DNAH11: variants seen among roughly 807,000 people sequenced by gnomAD.
The protein encoded by DNAH11 is dynein axonemal heavy chain 11, also known as axonemal beta dynein heavy chain 11.
Under a neutral mutation model 526.0 loss-of-function variants are expected in DNAH11, and 442 were observed. That is an observed-to-expected ratio of 0.84 (90% CI 0.78 to 0.91). The LOEUF is 0.91. DNAH11 is among the 40% of genes least tolerant of loss of function. The pLI is 0.00. For synonymous variants in DNAH11, 2,461 were observed against 1,935.9 expected (o/e 1.27, Z -7.12); for missense variants, 6,989 against 5,448.7 (o/e 1.28, Z -8.90).
intron 65 of DNAH11, among the ~76,000 whole-genome samples, chr7:21,824,327 T>A (rs896512142): frequency 5.3e-5 from 8 of 152,220 alleles, no homozygotes; most frequent in African/African-American, 1.9e-4. Flanking sequence ...TTGACAATTC[T>A]GCCTCCACTT....
chr7:21,685,020 T>A (rs1033393409), intron 32 of DNAH11, among the ~76,000 whole-genome samples: 2 of 152,212 alleles, frequency 1.3e-5, no homozygotes, highest in Non-Finnish European at 2.9e-5. Flanking sequence ...GAGAGGCTGG[T>A]AGGATTCTCC....
intron 28 of DNAH11, 84 bp from the exon 29 acceptor site, chr7:21,655,748 G>T (rs1781986517): frequency 2.2e-6 from 3 of 1,357,488 alleles, no homozygotes; most frequent in African/African-American, 1.4e-5. Context: ...AACGTTTCAT[G>T]ACTTCATATG....
intron 65 of DNAH11, among the ~76,000 whole-genome samples, chr7:21,842,150 T>A (rs1782226126): frequency 6.6e-6 from 1 of 152,222 alleles, no homozygotes; most frequent in African/African-American, 2.4e-5. Flanking sequence ...TATCAATTAG[T>A]CAGTGGTAAA....
chr7:21,570,150 A>G lies in DNAH11; in HGVS notation c.1276A>G (p.Ile426Val). The change falls in exon 7 of 82, where the codon ATC becomes GTC. Residue 426 changes from isoleucine (I) to valine (V), a missense_variant. Physicochemically the swap from Ile to Val is conservative, Grantham distance 29. Coordinates refer to ENST00000409508, the MANE Select transcript of DNAH11 (RefSeq NM_001277115.2). ...SLEKVQVAVN[I>V]LKTFKNSFFN... ...GGAAAAGGTGCAGGTGGCTGTTAAC[A>G]TCTTAAAGACTTTCAAAAACTCCTT... 1.9e-6 allele frequency: 3 copies of G among 1,613,480 alleles called. No individual in the cohort carries two copies. The highest frequency in any genetic ancestry group is 2.5e-6 in the Non-Finnish European group (3 of 1,179,724).
intron 55 of DNAH11, among the ~76,000 whole-genome samples, chr7:21,771,492 G>A (rs1001264532): frequency 2.6e-5 from 4 of 152,200 alleles, no homozygotes; most frequent in Admixed American, 2.0e-4. Context: ...TGTGTTGACA[G>A]TGAGCCAACT....
At chr7:21,559,828 A>T (rs1415992175) in intron 4 of DNAH11, 36 bp downstream of exon 4, 1 of 1,524,454 alleles carries the variant, frequency 6.6e-7, no homozygotes, top group East Asian at 2.4e-5. Context: ...AAATTAAATT[A>T]GCAAAGTGTC....
Position 21,901,331 on chromosome 7 carries a change from C to CTG in DNAH11, c.*77_*78insTG. 1 of 1,423,256 alleles carries CTG rather than the reference C, an allele frequency of 7.0e-7. No homozygotes were observed. The highest frequency in any genetic ancestry group is 9.3e-7 in the Non-Finnish European group (1 of 1,079,122). The allele number at this position is 1,423,256 out of a possible 1,614,324, so 88.2% of individuals were successfully genotyped here. ...AGCATGTTGCTGCACTGTTCCCATG[C>CTG]ACATTATTCTAACTTTTTAGTAACT... is the stretch of plus-strand genomic sequence containing the variant. On this transcript the variant is annotated 3_prime_UTR_variant, in exon 82 of 82. Transcript: ENST00000409508.
intron 65 of DNAH11, among the ~76,000 whole-genome samples, chr7:21,839,700 TA>T (rs1251048573): frequency 6.6e-6 from 1 of 152,164 alleles, no homozygotes; most frequent in Non-Finnish European, 1.5e-5. Flanking sequence ...ACTGACAAGG[TA>T]AAAACAAATC....
intron 14 of DNAH11, among the ~76,000 whole-genome samples, chr7:21,595,599 A>G (rs989349212): frequency 3.9e-5 from 6 of 152,166 alleles, no homozygotes; most frequent in Non-Finnish European, 1.5e-5. Context: ...GGGGAAGGGT[A>G]TGAGAGGAAG....
At chr7:21,625,895 C>T (rs1450144393) in intron 25 of DNAH11, among the ~76,000 whole-genome samples, 2 of 151,984 alleles carry the variant, frequency 1.3e-5, no homozygotes, top group Non-Finnish European at 2.9e-5. Context: ...AAGTTTTTAG[C>T]TAAGATTATC....
Position 21,880,741 on chromosome 7 carries a change from A to T in DNAH11, c.12235A>T (p.Ser4079Cys). The T allele has an allele frequency of 6.2e-7, 1 of 1,613,996 alleles. No homozygotes were observed. Among genetic ancestry groups the T allele is most frequent in the East Asian group, 2.2e-5 (1 of 44,880 alleles). The change falls in exon 75 of 82, where the codon AGC (serine) becomes TGC (cysteine). Residue 4079 changes from serine to cysteine, a missense_variant. Ser to Cys is a moderately radical substitution (Grantham distance 112). Coordinates refer to ENST00000409508, the MANE Select transcript of DNAH11 (RefSeq NM_001277115.2). ...ATGCTCCAAGGAGCAGGAGTTTAAA[A>T]GCATCCTTTTTTCTCTCTGCTACTT... ...EICSKEQEFK[S>C]ILFSLCYFHA...
intron 39 of DNAH11, among the ~76,000 whole-genome samples, chr7:21,706,815 T>C (rs1182983806): frequency 6.6e-6 from 1 of 152,132 alleles, no homozygotes; most frequent in African/African-American, 2.4e-5. Flanking sequence ...TGTGAGTAGG[T>C]CAGCATGATA....
intron 36 of DNAH11, among the ~76,000 whole-genome samples, chr7:21,701,001 T>A (rs1425079203): frequency 6.6e-6 from 1 of 152,030 alleles, no homozygotes; most frequent in Non-Finnish European, 1.5e-5. Flanking sequence ...AAGAAATACC[T>A]AATGTAGATA....
At position 21,880,859 on chromosome 7, in the gene DNAH11, G is replaced by A. The variant is rs1205553299; in HGVS notation, c.12353G>A (p.Ser4118Asn). ...CCTGGAGACCTCACCATTTGTGCCA[G>A]TGTCCTCTACAACTACTTAGAGGCA... ...FNPGDLTICASVLYNYLEANS... is the reference protein window; with the variant it reads ...FNPGDLTICANVLYNYLEANS... Residue 4118 changes from serine (S) to asparagine (N), a missense_variant, in exon 75 of 82, where the codon AGT (serine) becomes AAT (asparagine). Physicochemically the swap from Ser to Asn is conservative, Grantham distance 46 (BLOSUM62 1). Transcript: ENST00000409508. 1.2e-6 allele frequency: 2 copies of A among 1,613,116 alleles called. No homozygotes were observed. Among genetic ancestry groups the A allele is most frequent in the Non-Finnish European group, 1.7e-6 (2 of 1,179,682 alleles).
chr7:21,561,358 A>G (rs1783452632), intron 5 of DNAH11, 188 bp downstream of exon 5: 8 of 533,470 alleles, frequency 1.5e-5, no homozygotes, highest in Middle Eastern at 7.3e-4. Flanking sequence ...CTTTTAGTTT[A>G]TCTGGTATAT....
chr7:21,701,487 C>A (rs1443596597), intron 36 of DNAH11, among the ~76,000 whole-genome samples: 3 of 151,968 alleles, frequency 2.0e-5, no homozygotes, highest in African/African-American at 7.2e-5. Context: ...GTGGGGTTTC[C>A]CCCTGTTGCC....
chr7:21,641,194 G>A (rs986747530), intron 28 of DNAH11, among the ~76,000 whole-genome samples: 1 of 152,118 alleles, frequency 6.6e-6, no homozygotes, highest in South Asian at 2.1e-4. Flanking sequence ...ACTTCTTACT[G>A]GTGCCCAGAG....
chr7:21,890,767 A>G (rs556361974), intron 76 of DNAH11, among the ~76,000 whole-genome samples: 1 of 152,320 alleles, frequency 6.6e-6, no homozygotes, highest in South Asian at 2.1e-4. Flanking sequence ...ATATATAAAC[A>G]TGAAATGATA....
At chr7:21,607,483 A>T (rs143733892) in intron 20 of DNAH11, among the ~76,000 whole-genome samples, 3 of 152,198 alleles carry the variant, frequency 2.0e-5, no homozygotes, top group Non-Finnish European at 2.9e-5. Context: ...CACAATCATC[A>T]TAGTAATCAT....
Sources: allele counts gnomAD v4.1 joint callset (sites outside exome capture counted in the v4.1 genomes callset), GRCh38; gene constraint gnomAD v4.1.1; transcripts MANE v1.5; gene names NCBI Gene and HGNC (gene_info 2026-07-23, HGNC 2026-07-21).